Variants in SECISBP2L observed in about 807,000 individuals in gnomAD.
SECISBP2L encodes selenocysteine insertion sequence-binding protein 2-like.
Under a neutral mutation model 114.7 loss-of-function variants are expected in SECISBP2L, and 43 were observed. The ratio of observed to expected loss-of-function variants is 0.38; its 90% CI spans 0.29 to 0.48. The LOEUF (loss-of-function observed/expected upper bound fraction) is 0.48. SECISBP2L is among the 20% of genes least tolerant of loss of function. SECISBP2L has a pLI of 0.98. For missense variants in SECISBP2L, 1,136 were observed against 1,301.1 expected (o/e 0.87, Z 1.95); for synonymous variants, 451 against 439.7 (o/e 1.03, Z -0.32).
chr15:49,008,418 CTT>C (rs886581517), intron 14 of SECISBP2L, among the ~76,000 whole-genome samples: 1 of 152,146 alleles, frequency 6.6e-6, no homozygotes, highest in Admixed American at 6.5e-5. Flanking sequence ...TTTCTTCATT[CTT>C]TTTTTCCCTT....
intron 14 of SECISBP2L, among the ~76,000 whole-genome samples, chr15:49,005,982 T>C (rs2141065622): frequency 6.6e-6 from 1 of 152,304 alleles, no homozygotes; most frequent in East Asian, 1.9e-4. Context: ...TACTTGTCTG[T>C]ATAGGATTTT....
At chr15:48,997,536 T>C (rs1172478775) in intron 16 of SECISBP2L, among the ~76,000 whole-genome samples, 2 of 152,068 alleles carry the variant, frequency 1.3e-5, no homozygotes, top group African/African-American at 2.4e-5. Flanking sequence ...ACAAAATAAA[T>C]AGTTTCCGTG....
chr15:48,996,529 T>C lies in SECISBP2L; in HGVS notation c.2461A>G (p.Met821Val). The change falls in exon 17 of 18, where the codon ATG becomes GTG. Residue 821 changes from methionine (M) to valine (V), a missense_variant. By Grantham distance (21) the Met-to-Val change is conservative. This residue lies in a region of SECISBP2L where 684 missense variants were observed against 848.7 expected (regional missense o/e 0.81). Transcript: ENST00000559471. ...TEEARKAYKD[M>V]VAAMEQEQAE... ...TGCTCCTGTTCCATTGCTGCAACCA[T>C]ATCTTTATATGCTTTCCTGGCCTCC... The C allele has an allele frequency of 6.2e-7, 1 of 1,614,180 alleles. No individual in the cohort carries two copies. Among genetic ancestry groups the C allele is most frequent in the Non-Finnish European group, 8.5e-7 (1 of 1,180,022 alleles).
At chr15:49,016,748 CTG>C (rs1426553821) in intron 10 of SECISBP2L, 47 bp from the exon 11 acceptor site, 2 of 1,522,418 alleles carry the variant, frequency 1.3e-6, no homozygotes, top group Non-Finnish European at 1.8e-6. Context: ...TAGTACGAAA[CTG>C]TGGCATTTTA....
rs1352508242 is a variant in SECISBP2L, at chr15:48,991,929, TTTAAC to T, written c.*310_*314del. On this transcript the variant is annotated 3_prime_UTR_variant, in exon 18 of 18. Coordinates refer to ENST00000559471, the MANE Select transcript of SECISBP2L (RefSeq NM_001193489.2). The stretch of plus-strand genomic sequence containing the variant: ...TGCTTCTATCCTTAGAACCTTGTTC[TTTAAC>T]TTTCAAAATGTCTTTTAAGTAAGCA... 1.9e-5 allele frequency: 4 copies of T among 205,358 alleles called. No individual in the cohort carries two copies. The highest frequency in any genetic ancestry group is 3.9e-5 in the Non-Finnish European group (4 of 101,638). The allele number at this position is 205,358 out of a possible 1,614,324, so 12.7% of individuals were successfully genotyped here. A position where few individuals can be genotyped will look rare whatever the true frequency, so the allele number is the denominator to read the frequency against.
chr15:49,033,254 TC>T (rs1478907227), intron 3 of SECISBP2L, among the ~76,000 whole-genome samples, 154 bp from the exon 4 acceptor site: 1 of 152,228 alleles, frequency 6.6e-6, no homozygotes, highest in East Asian at 1.9e-4. Context: ...TACTAGGGTT[TC>T]ATGAAATGCC....
chr15:49,030,733 C>T (rs1902867661), intron 4 of SECISBP2L, among the ~76,000 whole-genome samples: 1 of 152,168 alleles, frequency 6.6e-6, no homozygotes, highest in Non-Finnish European at 1.5e-5. Context: ...TTGCATGGGG[C>T]ATAAATCAGT....
At chr15:48,998,111 T>C (rs1040569922) in intron 16 of SECISBP2L, among the ~76,000 whole-genome samples, 2 of 152,200 alleles carry the variant, frequency 1.3e-5, no homozygotes, top group Non-Finnish European at 2.9e-5. Flanking sequence ...CTGGACATTT[T>C]TGAGAATCTG....
chr15:49,022,860 A>G (rs1161807379), intron 7 of SECISBP2L, among the ~76,000 whole-genome samples: 1 of 152,206 alleles, frequency 6.6e-6, no homozygotes, highest in Non-Finnish European at 1.5e-5. Context: ...ACAAAGTAGG[A>G]TCATATCTCA....
At chr15:49,000,626 C>A (rs1024650615) in intron 15 of SECISBP2L, among the ~76,000 whole-genome samples, 1 of 152,188 alleles carries the variant, frequency 6.6e-6, no homozygotes, top group African/African-American at 2.4e-5. Flanking sequence ...CATCTGATCA[C>A]AACAGAAGGG....
In SECISBP2L at chr15:49,016,917, T is replaced by C; in HGVS notation, c.1350A>G (p.Lys450=). 5.0e-6 allele frequency: 8 copies of C among 1,614,130 alleles called. No homozygotes were observed. Among genetic ancestry groups the C allele is most frequent in the Non-Finnish European group, 6.8e-6 (8 of 1,179,982 alleles). ...CTGTGGCAAGGGCTGCTGCTAAAGC[T>C]TTCTTCTTCTGACTTTTTGCACGTT... ...VPKRAKSQKK[K]ALAAALATAQ... The change falls in exon 10 of 18, where the codon AAA becomes AAG. Residue 450 remains lysine, a synonymous_variant. Coordinates refer to ENST00000559471, the MANE Select transcript of SECISBP2L (RefSeq NM_001193489.2).
At chr15:48,993,100 A>AGAGAGTGTGTGTGTGTGTGTGT (rs772299775) in intron 17 of SECISBP2L, among the ~76,000 whole-genome samples, 174 bp from the exon 18 acceptor site, 36 of 139,218 alleles carry the variant, frequency 2.6e-4, no homozygotes, top group East Asian at 1.5e-3. Flanking sequence ...ACAGAGAGAG[A>AGAGAGTGTGTGTGTGTGTGTGT]GTGTGTGTGT....
chr15:49,012,156 A>G (rs1902449561), intron 12 of SECISBP2L, among the ~76,000 whole-genome samples: 1 of 152,218 alleles, frequency 6.6e-6, no homozygotes, highest in Non-Finnish European at 1.5e-5. Context: ...GGTAAATTAA[A>G]AAGTTTGGAA....
At chr15:49,011,210 G>A (rs1025952922) in intron 13 of SECISBP2L, among the ~76,000 whole-genome samples, 4 of 152,046 alleles carry the variant, frequency 2.6e-5, no homozygotes, top group African/African-American at 9.7e-5. Flanking sequence ...AGAAATCTGC[G>A]GTTTTACTAA....
intron 4 of SECISBP2L, among the ~76,000 whole-genome samples, chr15:49,032,312 G>A (rs1902906949): frequency 6.6e-6 from 1 of 152,142 alleles, no homozygotes; most frequent in Admixed American, 6.5e-5. Flanking sequence ...TCTACAGATA[G>A]TTTCTGTACT....
intron 17 of SECISBP2L, among the ~76,000 whole-genome samples, chr15:48,994,252 A>G (rs1384374966): frequency 1.3e-5 from 2 of 152,138 alleles, no homozygotes; most frequent in Admixed American, 6.6e-5. Flanking sequence ...CCTTTAGTCC[A>G]CTGAATTCAT....
rs1901918414 is a variant in SECISBP2L, at chr15:48,989,127, G to T, written c.*3117C>A. The T allele has an allele frequency of 9.4e-6, 1 of 106,834 alleles. No individual in the cohort carries two copies. The highest frequency in any genetic ancestry group is 2.4e-5 in the Non-Finnish European group (1 of 42,178). The allele number at this position is 106,834 out of a possible 1,614,324, so 6.6% of individuals were successfully genotyped here. ...AACATACAGAAAATACATGACAAGG[G>T]TGTTTTTTTTTTTTAAGCAAACAGC... is the stretch of plus-strand genomic sequence containing the variant. On this transcript the variant is annotated 3_prime_UTR_variant, in exon 18 of 18. Coordinates refer to ENST00000559471, the MANE Select transcript of SECISBP2L (RefSeq NM_001193489.2).
At chr15:49,008,473 C>G (rs925264982) in intron 14 of SECISBP2L, among the ~76,000 whole-genome samples, 3 of 152,076 alleles carry the variant, frequency 2.0e-5, no homozygotes, top group Admixed American at 6.6e-5. Flanking sequence ...AACATTTTAT[C>G]CCCCAAGTGT....
intron 3 of SECISBP2L, among the ~76,000 whole-genome samples, chr15:49,034,451 G>A (rs555903844): frequency 1.0e-4 from 15 of 149,826 alleles, no homozygotes; most frequent in Admixed American, 3.3e-4. Flanking sequence ...CAAAAGGCTC[G>A]TACTGAGTAA....
Sources: allele counts gnomAD v4.1 joint callset (sites outside exome capture counted in the v4.1 genomes callset), GRCh38; gene constraint gnomAD v4.1.1; regional missense constraint gnomAD v4.1.1; transcripts MANE v1.5; gene names NCBI Gene and HGNC (gene_info 2026-07-23, HGNC 2026-07-21).